SMURF1: variants seen among roughly 807,000 people sequenced by gnomAD.
SMURF1 encodes E3 ubiquitin-protein ligase SMURF1.
Under a neutral mutation model 98.0 loss-of-function variants are expected in SMURF1, and 44 were observed. The ratio of observed to expected loss-of-function variants is 0.45; its 90% CI spans 0.35 to 0.58. SMURF1 has a LOEUF of 0.58. Ranked by LOEUF, SMURF1 falls within the 20% of genes least tolerant of loss-of-function variation. SMURF1 has a pLI of 0.00. For synonymous variants in SMURF1, 396 were observed against 374.9 expected (o/e 1.06, Z -0.65); for missense variants, 687 against 938.4 (o/e 0.73, Z 3.50).
intron 1 of SMURF1, among the ~76,000 whole-genome samples, chr7:99,090,349 G>A (rs1329488696): frequency 1.3e-5 from 2 of 152,096 alleles, no homozygotes; most frequent in South Asian, 2.1e-4. Context: ...CATGGGTTGG[G>A]AGCTATAAAC....
intron 1 of SMURF1, among the ~76,000 whole-genome samples, chr7:99,143,451 A>G (rs1182746520): frequency 4.2e-5 from 3 of 70,602 alleles, no homozygotes; most frequent in African/African-American, 1.1e-4. Flanking sequence ...TGGAAATGAG[A>G]GGGGCGGGGC....
intron 1 of SMURF1, among the ~76,000 whole-genome samples, chr7:99,141,318 T>G (rs1798114155): frequency 6.6e-6 from 1 of 152,238 alleles, no homozygotes; most frequent in Non-Finnish European, 1.5e-5. Context: ...ACATTTCAAT[T>G]AAAACCTATT....
At chr7:99,095,708 AAT>A (rs1796942486) in intron 1 of SMURF1, among the ~76,000 whole-genome samples, 1 of 152,222 alleles carries the variant, frequency 6.6e-6, no homozygotes, top group Non-Finnish European at 1.5e-5. Flanking sequence ...GACCTAAAAG[AAT>A]ATGTTTTCTT....
chr7:99,129,404 ATTATT>A (rs1306967008), intron 1 of SMURF1, among the ~76,000 whole-genome samples: 2 of 152,244 alleles, frequency 1.3e-5, no homozygotes, highest in East Asian at 1.9e-4. Context: ...ACGTTATGTT[ATTATT>A]TTAAGATGGT....
At chr7:99,064,179 G>T (rs748629803) in intron 1 of SMURF1, among the ~76,000 whole-genome samples, 7 of 152,122 alleles carry the variant, frequency 4.6e-5, no homozygotes, top group African/African-American at 7.2e-5. Context: ...CTAGTATTTT[G>T]TTGAGGAATT....
intron 1 of SMURF1, among the ~76,000 whole-genome samples, chr7:99,079,996 GA>G (rs58628670): frequency 0.4 from 50,560 of 125,404 alleles, 10,445 homozygotes; most frequent in Non-Finnish European, 0.51. Context: ...GATTAGTTAA[GA>G]AAAAAAAAAA....
Position 99,057,552 on chromosome 7 carries a change from C to A in SMURF1, c.204-1G>T. The A allele has an allele frequency of 2.6e-6, 4 of 1,527,256 alleles. No individual in the cohort carries two copies. The highest frequency in any genetic ancestry group is 3.5e-6 in the Non-Finnish European group (4 of 1,143,928). The allele number at this position is 1,527,256 out of a possible 1,614,324, so 94.6% of individuals were successfully genotyped here. On this transcript the variant is annotated splice_acceptor_variant, in intron 3 of 17. Coordinates refer to ENST00000361368, the MANE Select transcript of SMURF1 (RefSeq NM_181349.3). LOFTEE classifies it high-confidence loss of function. The stretch of plus-strand genomic sequence containing the variant: ...TATCGAATCCGTTTTCCCAACATAT[C>A]TGGAAAGAAAGTGCAAAACTCATTT...
chr7:99,063,038 C>T (rs1268876765), intron 1 of SMURF1, among the ~76,000 whole-genome samples: 26 of 151,486 alleles, frequency 1.7e-4, no homozygotes, highest in Non-Finnish European at 2.9e-5. Context: ...TACTGCTTCA[C>T]AAATTGTCCT....
intron 1 of SMURF1, among the ~76,000 whole-genome samples, chr7:99,109,017 C>T (rs1797263725): frequency 6.6e-6 from 1 of 152,160 alleles, no homozygotes; most frequent in East Asian, 1.9e-4. Flanking sequence ...CCTCTCCAAG[C>T]CTACTCTGCT....
At chr7:99,093,183 A>G (rs1432655328) in intron 1 of SMURF1, among the ~76,000 whole-genome samples, 1 of 152,148 alleles carries the variant, frequency 6.6e-6, no homozygotes, top group Non-Finnish European at 1.5e-5. Flanking sequence ...ACACAAAAAC[A>G]CACACTGTTC....
chr7:99,142,321 G>A (rs1396857147), intron 1 of SMURF1, among the ~76,000 whole-genome samples: 1 of 152,156 alleles, frequency 6.6e-6, no homozygotes, highest in Non-Finnish European at 1.5e-5. Flanking sequence ...GGCGCTCTGG[G>A]TTGCTGAGTG....
rs1269319507 is a variant in SMURF1, at chr7:99,027,885, A to G, written c.*2699T>C. 6.6e-6 allele frequency: 1 copy of G among 152,614 alleles called. No individual in the cohort carries two copies. The highest frequency in any genetic ancestry group is 1.5e-5 in the Non-Finnish European group (1 of 68,034). The allele number at this position is 152,614 out of a possible 1,614,324, so 9.5% of individuals were successfully genotyped here. A position where few individuals can be genotyped will look rare whatever the true frequency, so the allele number is the denominator to read the frequency against. On this transcript the variant is annotated 3_prime_UTR_variant, in exon 18 of 18. Coordinates refer to ENST00000361368, the MANE Select transcript of SMURF1 (RefSeq NM_181349.3). The stretch of plus-strand genomic sequence containing the variant: ...GACCACCTTAATCTGAATTTGGACC[A>G]TACGTCCGAACAAGCTCAGGGGTCG...
At chr7:99,064,886 A>G (rs558195723) in intron 1 of SMURF1, among the ~76,000 whole-genome samples, 1 of 152,324 alleles carries the variant, frequency 6.6e-6, no homozygotes, top group South Asian at 2.1e-4. Flanking sequence ...CCACAGCCCC[A>G]AAACCTCATC....
In SMURF1 at chr7:99,057,598, TTG is replaced by T. The variant is rs780940658; in HGVS notation, c.204-49_204-48del. The T allele has an allele frequency of 1.2e-4, 171 of 1,409,708 alleles. 3 individuals are homozygous for T. The highest frequency in any genetic ancestry group is 3.0e-4 in the South Asian group (20 of 65,646). 87.3% of individuals were successfully genotyped at this position (1,409,708 alleles called of 1,614,324 possible). On this transcript the variant is annotated intron_variant, in intron 3 of 17. Transcript: ENST00000361368. ...CATTTTTAATTGTGTTTGGTTTTTT[TTG>T]TTTTGTTTTTTTTTTTTTTTGAGAT...
chr7:99,045,860 A>G, intron 10 of SMURF1, 59 bp from the exon 11 acceptor site: 1 of 1,386,486 alleles, frequency 7.2e-7, no homozygotes, highest in Non-Finnish European at 1.0e-6. Context: ...AAGTTATGAA[A>G]GGTCATTGAT....
intron 1 of SMURF1, among the ~76,000 whole-genome samples, chr7:99,132,116 C>G (rs541660916): frequency 6.2e-4 from 95 of 152,232 alleles, no homozygotes; most frequent in African/African-American, 2.2e-3. Flanking sequence ...CCCAGAAGCC[C>G]AAGATAGAGT....
In SMURF1 at chr7:99,040,443, C is replaced by A. The variant is rs752147185; in HGVS notation, c.1485G>T (p.Lys495Asn). Residue 495 changes from lysine (K) to asparagine (N), a missense_variant, in exon 13 of 18, where the codon AAG becomes AAT. Lys to Asn is a moderately conservative substitution (Grantham distance 94). Transcript: ENST00000361368. ...ATTCCAGATCTGAGAGCTGGATGGGCTTCCCCAGCAGCTGCTTGTAGAAGG... is the reference window on the plus strand; with the variant it reads ...ATTCCAGATCTGAGAGCTGGATGGGATTCCCCAGCAGCTGCTTGTAGAAGG... The part of the protein sequence containing the change: ...TVPFYKQLLG[K>N]PIQLSDLESV... 7 of 1,594,774 alleles carry A rather than the reference C, an allele frequency of 4.4e-6. No homozygotes were observed. In the South Asian group the frequency reaches 8.0e-5, roughly 18 times the overall value.
At chr7:99,117,126 A>C (rs1797475492) in intron 1 of SMURF1, among the ~76,000 whole-genome samples, 1 of 152,140 alleles carries the variant, frequency 6.6e-6, no homozygotes, top group African/African-American at 2.4e-5. Context: ...CTTTTCAACA[A>C]ATGGTGCAGG....
At chr7:99,065,219 CAAGG>C (rs1316233811) in intron 1 of SMURF1, among the ~76,000 whole-genome samples, 1 of 151,884 alleles carries the variant, frequency 6.6e-6, no homozygotes, top group Non-Finnish European at 1.5e-5. Context: ...CACAGCCTCC[CAAGG>C]AACTGGGACC....
Sources: allele counts gnomAD v4.1 joint callset (sites outside exome capture counted in the v4.1 genomes callset), GRCh38; gene constraint gnomAD v4.1.1; transcripts MANE v1.5; gene names NCBI Gene and HGNC (gene_info 2026-07-23, HGNC 2026-07-21).